Variants in NTM observed in about 807,000 individuals in gnomAD.
The protein encoded by NTM is IgLON family member 2.
Under a neutral mutation model 42.1 loss-of-function variants are expected in NTM, and 13 were observed. The ratio of observed to expected loss-of-function variants is 0.31; its 90% CI spans 0.20 to 0.49. The LOEUF (loss-of-function observed/expected upper bound fraction) is 0.49. NTM is among the 20% of genes least tolerant of loss of function. NTM has a pLI of 0.99. For synonymous variants in NTM, 187 were observed against 179.2 expected, an observed-to-expected ratio of 1.04 and a Z score of -0.35; for missense variants, 373 against 452.8, an observed-to-expected ratio of 0.82 and a Z score of 1.60.
chr11:131,686,494 T>TTCA (rs1310747544), intron 1 of NTM, among the ~76,000 whole-genome samples: 1 of 152,184 alleles, frequency 6.6e-6, no homozygotes, highest in African/African-American at 2.4e-5. Context: ...CCTCGCCATG[T>TTCA]TCACCATGAG....
At chr11:131,671,384 C>T (rs763878818) in intron 1 of NTM, 114 of 976,254 alleles carry the variant, frequency 1.2e-4, no homozygotes, top group Non-Finnish European at 1.4e-4. Context: ...ACACCTGTCT[C>T]CATCCTTCTA....
intron 1 of NTM, among the ~76,000 whole-genome samples, chr11:131,894,322 T>A (rs1328329490): frequency 6.6e-6 from 1 of 152,186 alleles, no homozygotes; most frequent in East Asian, 1.9e-4. Context: ...ACATGGGTCA[T>A]CCCCACCAAC....
At chr11:131,595,644 G>A (rs1050419811) in intron 1 of NTM, among the ~76,000 whole-genome samples, 6 of 152,202 alleles carry the variant, frequency 3.9e-5, no homozygotes, top group African/African-American at 7.2e-5. Flanking sequence ...TGTATTTGCC[G>A]GAACGGACTC....
chr11:131,553,241 T>C (rs2054948294), intron 1 of NTM, among the ~76,000 whole-genome samples: 1 of 152,128 alleles, frequency 6.6e-6, no homozygotes, highest in Non-Finnish European at 1.5e-5. Flanking sequence ...GTTACAAGGA[T>C]CTTCAGTTTA....
At chr11:132,195,251 A>G (rs970849197) in intron 3 of NTM, among the ~76,000 whole-genome samples, 1 of 152,170 alleles carries the variant, frequency 6.6e-6, no homozygotes, top group Non-Finnish European at 1.5e-5. Context: ...AAGGTAAAAA[A>G]TCTATACAAT....
intron 2 of NTM, among the ~76,000 whole-genome samples, chr11:132,119,281 C>T (rs914358933): frequency 1.3e-5 from 2 of 152,218 alleles, no homozygotes; most frequent in African/African-American, 4.8e-5. Flanking sequence ...CTGAAGGGTG[C>T]ACTGCTACAG....
intron 2 of NTM, among the ~76,000 whole-genome samples, chr11:131,945,760 A>T (rs1178485593): frequency 1.3e-5 from 2 of 152,158 alleles, no homozygotes. Flanking sequence ...ACCTTTACTG[A>T]TATGCTCCCA....
chr11:131,670,162 CCTCA>C (rs1407762601), intron 1 of NTM, among the ~76,000 whole-genome samples: 3 of 152,096 alleles, frequency 2.0e-5, no homozygotes, highest in African/African-American at 7.2e-5. Flanking sequence ...ACATCAGCTG[CCTCA>C]CTCCAAGATA....
At chr11:132,251,569 G>C (rs1453156550) in intron 4 of NTM, among the ~76,000 whole-genome samples, 2 of 152,162 alleles carry the variant, frequency 1.3e-5, no homozygotes, top group South Asian at 2.1e-4. Context: ...AAAGGGCAAG[G>C]CATGTGGAAG....
chr11:131,534,725 C>A (rs1442074163), intron 1 of NTM: 1 of 152,230 alleles, frequency 6.6e-6, no homozygotes, highest in Non-Finnish European at 1.5e-5. Flanking sequence ...TTTGGGCACA[C>A]AGAGCCATTA....
intron 1 of NTM, among the ~76,000 whole-genome samples, chr11:131,608,432 C>T (rs2061181214): frequency 6.6e-6 from 1 of 152,202 alleles, no homozygotes; most frequent in Non-Finnish European, 1.5e-5. Flanking sequence ...TTCTCAGATG[C>T]TTCATATCAA....
intron 1 of NTM, among the ~76,000 whole-genome samples, chr11:131,679,864 G>T (rs1180450320): frequency 6.6e-6 from 1 of 152,046 alleles, no homozygotes; most frequent in African/African-American, 2.4e-5. Flanking sequence ...TTTGTTAGGA[G>T]AATTTTGAGG....
intron 2 of NTM, among the ~76,000 whole-genome samples, chr11:131,987,390 TA>T (rs2066242585): frequency 8.5e-6 from 1 of 117,432 alleles, no homozygotes; most frequent in Admixed American, 8.3e-5. Context: ...TATTCTATTC[TA>T]TTCTATTCTA....
intron 1 of NTM, among the ~76,000 whole-genome samples, chr11:131,461,865 G>A (rs1439946496): frequency 6.6e-6 from 1 of 152,032 alleles, no homozygotes; most frequent in Admixed American, 6.5e-5. Flanking sequence ...AGAGAGATGT[G>A]GGAGATACAA....
At chr11:131,375,856 C>T (rs1263186559) in intron 1 of NTM, among the ~76,000 whole-genome samples, 1 of 152,088 alleles carries the variant, frequency 6.6e-6, no homozygotes, top group African/African-American at 2.4e-5. Flanking sequence ...GCTCTTGCTA[C>T]CACTGCTTAA....
chr11:131,913,102 G>A (rs1025751314), intron 2 of NTM, among the ~76,000 whole-genome samples: 2 of 152,198 alleles, frequency 1.3e-5, no homozygotes, highest in South Asian at 4.1e-4. Flanking sequence ...AAATGATTGT[G>A]TATCTGCTTT....
intron 1 of NTM, among the ~76,000 whole-genome samples, chr11:131,481,579 C>G (rs1444926963): frequency 6.6e-6 from 1 of 152,152 alleles, no homozygotes; most frequent in Admixed American, 6.5e-5. Context: ...ATTATGCAAC[C>G]TTTTCATAAC....
chr11:132,083,101 G>C (rs1295007461), intron 2 of NTM, among the ~76,000 whole-genome samples: 1 of 152,154 alleles, frequency 6.6e-6, no homozygotes, highest in Admixed American at 6.5e-5. Flanking sequence ...CCCAGAACTG[G>C]AATATTGATT....
chr11:132,263,150 G>A (rs979715261), intron 4 of NTM, among the ~76,000 whole-genome samples: 18 of 152,262 alleles, frequency 1.2e-4, no homozygotes, highest in African/African-American at 3.6e-4. Context: ...GCAGTCCTGC[G>A]CCCACAGTTC....
Sources: gnomAD v4.1 joint callset for allele counts (sites outside exome capture counted in the v4.1 genomes callset) on GRCh38, gnomAD v4.1.1 for gene constraint, MANE v1.5 for transcripts, NCBI Gene and HGNC (gene_info 2026-07-23, HGNC 2026-07-21) for gene names.